SGCD: variants seen among roughly 807,000 people sequenced by gnomAD.
SGCD encodes the protein delta-sarcoglycan.
In SGCD, 18 loss-of-function variants were observed where a neutral mutation model predicts 36.6. The observed-to-expected ratio is 0.49, with a 90% CI of 0.34 to 0.73. SGCD has a LOEUF of 0.73. Among genes scored for constraint, SGCD ranks in the 30% least tolerant of loss-of-function variants. The pLI, the probability that SGCD is intolerant of heterozygous loss-of-function variation, is 0.01. For synonymous variants in SGCD, 133 were observed against 130.6 expected (o/e 1.02, Z -0.12); for missense variants, 387 against 346.7 (o/e 1.12, Z -0.92).
chr5:156,350,393 A>G (rs372376768), intron 3 of SGCD, among the ~76,000 whole-genome samples: 4 of 151,784 alleles, frequency 2.6e-5, no homozygotes, highest in Non-Finnish European at 4.4e-5. Context: ...ATGACGAACT[A>G]TAAGAACGAT....
At chr5:155,734,619 AC>A in the SGCD span, among the ~76,000 whole-genome samples, 10 of 152,224 alleles carry the variant, frequency 6.6e-5, no homozygotes, top group Non-Finnish European at 8.8e-5. Flanking sequence ...ACTTTAAGAC[AC>A]TGTTGTATAT....
intron 1 of SGCD, among the ~76,000 whole-genome samples, chr5:155,927,236 GTTAA>G (rs926158558): frequency 1.3e-5 from 2 of 152,194 alleles, no homozygotes; most frequent in African/African-American, 4.8e-5. Context: ...CTGGAGAATA[GTTAA>G]TTATTCAATA....
chr5:156,275,190 A>C lies in SGCD; in HGVS notation c.-43-54344A>C, dbSNP rs147611885. ...TTGAGGGAGAATAGGAAAATAGGAC[A>C]GATCACTATCCACAGGGTAGAAAGG... On this transcript the variant is annotated intron_variant, in intron 3 of 9. Transcript: ENST00000517913. Among the ~76,000 whole-genome samples, 542 of 152,274 alleles carry C rather than the reference A, an allele frequency of 3.6e-3. 5 individuals carry two copies. Among genetic ancestry groups the C allele is most frequent in the African/African-American group, 0.012 (500 of 41,554 alleles).
chr5:156,191,636 T>A (rs1346752910), intron 3 of SGCD, among the ~76,000 whole-genome samples: 2 of 152,162 alleles, frequency 1.3e-5, no homozygotes, highest in African/African-American at 4.8e-5. Context: ...CTTTGAGATG[T>A]GGGTCGTGTC....
chr5:155,738,092 A>G, the SGCD span, among the ~76,000 whole-genome samples: 11 of 152,166 alleles, frequency 7.2e-5, no homozygotes, highest in African/African-American at 2.4e-4. Flanking sequence ...TCCTCAACCC[A>G]GAGGGCATTA....
chr5:156,290,571 G>A (rs1766732484), intron 3 of SGCD, among the ~76,000 whole-genome samples: 1 of 152,154 alleles, frequency 6.6e-6, no homozygotes, highest in South Asian at 2.1e-4. Context: ...GGAATGAAAA[G>A]TTGCACATGA....
At chr5:156,077,858 A>C (rs1230334525) in intron 1 of SGCD, among the ~76,000 whole-genome samples, 1 of 152,144 alleles carries the variant, frequency 6.6e-6, no homozygotes, top group Non-Finnish European at 1.5e-5. Context: ...GGTTGGAAAC[A>C]AGGGAGAAGC....
At chr5:155,864,951 A>C in the SGCD span, among the ~76,000 whole-genome samples, 19 of 152,332 alleles carry the variant, frequency 1.2e-4, no homozygotes, top group South Asian at 3.9e-3. Context: ...ATTTTACATA[A>C]GGAAGCACAT....
intron 3 of SGCD, among the ~76,000 whole-genome samples, chr5:156,474,505 A>C (rs553248468): frequency 2.0e-5 from 3 of 152,326 alleles, no homozygotes; most frequent in African/African-American, 7.2e-5. Flanking sequence ...ATCTGCCAGC[A>C]GCAGGGCAGG....
At chr5:156,089,116 A>G (rs1167541913) in intron 1 of SGCD, among the ~76,000 whole-genome samples, 1 of 152,184 alleles carries the variant, frequency 6.6e-6, no homozygotes, top group African/African-American at 2.4e-5. Flanking sequence ...GTCTGTTCTA[A>G]TTATTGTACA....
At chr5:155,984,314 A>G (rs1758287058) in intron 1 of SGCD, among the ~76,000 whole-genome samples, 1 of 152,210 alleles carries the variant, frequency 6.6e-6, no homozygotes, top group Non-Finnish European at 1.5e-5. Context: ...TCTGTCAGTC[A>G]TAGAATACCA....
intron 7 of SGCD, among the ~76,000 whole-genome samples, chr5:156,688,638 A>T (rs182587109): frequency 6.6e-6 from 1 of 152,346 alleles, no homozygotes; most frequent in Admixed American, 6.5e-5. Context: ...GATCACAGTG[A>T]AGAAACTCTG....
chr5:155,890,391 A>G (rs77109284), intron 1 of SGCD, among the ~76,000 whole-genome samples: 1 of 152,124 alleles, frequency 6.6e-6, no homozygotes, highest in Non-Finnish European at 1.5e-5. Context: ...TGGGAGACTG[A>G]GGTGGGCAGG....
intron 3 of SGCD, among the ~76,000 whole-genome samples, chr5:156,353,702 T>C (rs1435432106): frequency 6.6e-6 from 1 of 152,224 alleles, no homozygotes; most frequent in Non-Finnish European, 1.5e-5. Flanking sequence ...TTTGACTGTG[T>C]GGTCACTTTT....
At chr5:156,042,874 A>C (rs943112069) in intron 1 of SGCD, among the ~76,000 whole-genome samples, 1 of 152,226 alleles carries the variant, frequency 6.6e-6, no homozygotes, top group Non-Finnish European at 1.5e-5. Flanking sequence ...ACACCTCAGC[A>C]GAACTGGGCT....
chr5:156,407,795 G>A (rs1233608037), intron 3 of SGCD, among the ~76,000 whole-genome samples: 1 of 148,212 alleles, frequency 6.7e-6, no homozygotes, highest in Non-Finnish European at 1.5e-5. Flanking sequence ...TATCAGTGGT[G>A]TTTAATTTTG....
chr5:156,573,144 C>A (rs560461211), intron 4 of SGCD, among the ~76,000 whole-genome samples: 1 of 152,066 alleles, frequency 6.6e-6, no homozygotes, highest in South Asian at 2.1e-4. Flanking sequence ...ATGGTCATTT[C>A]TTTTCCCAAT....
At chr5:156,347,842 T>A (rs992484153) in intron 3 of SGCD, among the ~76,000 whole-genome samples, 3 of 152,194 alleles carry the variant, frequency 2.0e-5, no homozygotes, top group Non-Finnish European at 4.4e-5. Context: ...TATATGACAT[T>A]AAGGTAATAA....
At chr5:156,132,610 A>G (rs916628510) in intron 3 of SGCD, among the ~76,000 whole-genome samples, 1 of 150,716 alleles carries the variant, frequency 6.6e-6, no homozygotes, top group South Asian at 2.1e-4. Flanking sequence ...CTGGGATTAC[A>G]GGCGCCCACC....
Sources: allele counts gnomAD v4.1 joint callset (sites outside exome capture counted in the v4.1 genomes callset), GRCh38; gene constraint gnomAD v4.1.1; transcripts MANE v1.5; gene names NCBI Gene and HGNC (gene_info 2026-07-23, HGNC 2026-07-21).